HMBOX1: variants seen among roughly 807,000 people sequenced by gnomAD.
The protein encoded by HMBOX1 is homeobox-containing protein 1.
Under a neutral mutation model 54.5 loss-of-function variants are expected in HMBOX1, and 14 were observed. The ratio of observed to expected loss-of-function variants is 0.26; its 90% CI spans 0.17 to 0.40. HMBOX1 has a LOEUF of 0.40. Ranked by LOEUF, HMBOX1 falls within the 10% of genes least tolerant of loss-of-function variation. HMBOX1 has a pLI of 1.00. For synonymous variants in HMBOX1, 160 were observed against 181.0 expected (o/e 0.88, Z 0.93); for missense variants, 332 against 514.4 (o/e 0.65, Z 3.43).
chr8:28,892,920 T>C (rs986288625), intron 1 of HMBOX1, among the ~76,000 whole-genome samples: 2 of 152,090 alleles, frequency 1.3e-5, no homozygotes, highest in Non-Finnish European at 2.9e-5. Flanking sequence ...TAACGGAGTG[T>C]TTTGTTTTAT....
At chr8:28,973,764 A>T (rs899283231) in intron 3 of HMBOX1, among the ~76,000 whole-genome samples, 2 of 144,632 alleles carry the variant, frequency 1.4e-5, no homozygotes, top group Admixed American at 1.4e-4. Flanking sequence ...CGTTGACTTC[A>T]CGAACTTCAC....
At chr8:29,049,221 G>T in intron 9 of HMBOX1, 173 bp downstream of exon 9, 3 of 1,508,446 alleles carry the variant, frequency 2.0e-6, no homozygotes, top group Non-Finnish European at 2.7e-6. Context: ...AATGTGGTAA[G>T]ATTCAGTTGT....
intron 4 of HMBOX1, among the ~76,000 whole-genome samples, chr8:29,006,303 AT>A (rs1314745011): frequency 1.3e-5 from 2 of 151,938 alleles, no homozygotes; most frequent in Non-Finnish European, 2.9e-5. Context: ...GATGCATTCT[AT>A]TATTGATGGG....
rs1265971453 is a variant in HMBOX1, at chr8:28,982,458, G to T, written c.586+2302G>T. 2.0e-5 allele frequency among the ~76,000 whole-genome samples: 3 copies of T among 151,608 alleles called. No homozygotes were observed. In the East Asian group the frequency reaches 5.8e-4, roughly 29 times the overall value. On this transcript the variant is annotated intron_variant, in intron 4 of 9. Coordinates refer to ENST00000287701, the MANE Select transcript of HMBOX1 (RefSeq NM_001135726.3). ...TTTGTTTTTACTTTTTTGTTTGTTT[G>T]TTTGTTTGAGACAGTTTCTTGCTCT...
chr8:28,950,419 A>T (rs1016234186), intron 1 of HMBOX1, among the ~76,000 whole-genome samples: 1 of 152,282 alleles, frequency 6.6e-6, no homozygotes, highest in Non-Finnish European at 1.5e-5. Flanking sequence ...ACTGTAATTC[A>T]GTAAGAATGG....
At chr8:28,946,039 G>A (rs1436770904) in intron 1 of HMBOX1, among the ~76,000 whole-genome samples, 9 of 146,102 alleles carry the variant, frequency 6.2e-5, no homozygotes, top group African/African-American at 5.1e-5. Context: ...TGCAACCTCC[G>A]CCTCCCAGGT....
intron 1 of HMBOX1, among the ~76,000 whole-genome samples, chr8:28,962,749 C>T (rs1406427110): frequency 6.6e-6 from 1 of 152,174 alleles, no homozygotes; most frequent in Non-Finnish European, 1.5e-5. Context: ...TCCTAGTTCT[C>T]TCTAACCTGA....
chr8:28,957,028 G>A (rs1824579919), intron 1 of HMBOX1, among the ~76,000 whole-genome samples: 1 of 152,142 alleles, frequency 6.6e-6, no homozygotes, highest in South Asian at 2.1e-4. Context: ...AATTTGGAGA[G>A]TCCTCAAAGA....
At chr8:28,954,996 T>C (rs1315637076) in intron 1 of HMBOX1, among the ~76,000 whole-genome samples, 2 of 152,184 alleles carry the variant, frequency 1.3e-5, no homozygotes, top group African/African-American at 2.4e-5. Flanking sequence ...AGATTTTTCT[T>C]GATTATGTTT....
At chr8:28,962,761 T>C (rs1173177406) in intron 1 of HMBOX1, among the ~76,000 whole-genome samples, 3 of 152,216 alleles carry the variant, frequency 2.0e-5, no homozygotes, top group Non-Finnish European at 4.4e-5. Flanking sequence ...CTAACCTGAA[T>C]TAGTTTCTGG....
intron 1 of HMBOX1, among the ~76,000 whole-genome samples, chr8:28,921,175 A>T (rs949461881): frequency 6.6e-6 from 1 of 152,158 alleles, no homozygotes; most frequent in African/African-American, 2.4e-5. Context: ...TCTATACTAA[A>T]AATACAAAAA....
intron 1 of HMBOX1, among the ~76,000 whole-genome samples, chr8:28,921,268 A>G (rs1817510297): frequency 1.3e-5 from 2 of 152,234 alleles, no homozygotes; most frequent in African/African-American, 2.4e-5. Context: ...CCTGGGAGGC[A>G]GAGGTTGCGG....
intron 1 of HMBOX1, among the ~76,000 whole-genome samples, chr8:28,904,705 C>T (rs936613407): frequency 1.4e-5 from 2 of 146,320 alleles, no homozygotes; most frequent in African/African-American, 5.1e-5. Flanking sequence ...GAGATGGAGT[C>T]TCGCTCTGTC....
At chr8:29,023,723 T>C (rs1203116341) in intron 6 of HMBOX1, among the ~76,000 whole-genome samples, 1 of 152,150 alleles carries the variant, frequency 6.6e-6, no homozygotes, top group African/African-American at 2.4e-5. Context: ...ACCATAAGAT[T>C]GATCAGTGAA....
chr8:28,909,654 G>A (rs1815030147), intron 1 of HMBOX1, among the ~76,000 whole-genome samples: 1 of 152,046 alleles, frequency 6.6e-6, no homozygotes, highest in East Asian at 1.9e-4. Context: ...CAGGTGCCTC[G>A]CCTGCTAAAG....
chr8:28,960,679 G>GGTCTTTGT (rs1488084830), intron 1 of HMBOX1, among the ~76,000 whole-genome samples: 2 of 144,910 alleles, frequency 1.4e-5, no homozygotes, highest in Non-Finnish European at 3.0e-5. Context: ...CATGTTATTT[G>GGTCTTTGT]GTCTTTGTGT....
intron 1 of HMBOX1, among the ~76,000 whole-genome samples, chr8:28,903,275 G>A (rs756489989): frequency 6.6e-5 from 10 of 152,218 alleles, no homozygotes; most frequent in African/African-American, 1.7e-4. Context: ...ATCAGGGAGG[G>A]CAGTGATGAT....
chr8:29,013,730 T>TA (rs1015001464), intron 5 of HMBOX1, among the ~76,000 whole-genome samples: 3 of 152,182 alleles, frequency 2.0e-5, no homozygotes, highest in Admixed American at 6.5e-5. Flanking sequence ...ACCTATTTTT[T>TA]AAAAAAAAGT....
At chr8:28,960,175 A>AT (rs1252238170) in intron 1 of HMBOX1, among the ~76,000 whole-genome samples, 1 of 148,014 alleles carries the variant, frequency 6.8e-6, no homozygotes, top group Non-Finnish European at 1.5e-5. Context: ...ACAGTATTTT[A>AT]TTTTTCTATT....
Sources: allele counts gnomAD v4.1 joint callset (sites outside exome capture counted in the v4.1 genomes callset), GRCh38; gene constraint gnomAD v4.1.1; transcripts MANE v1.5; gene names NCBI Gene and HGNC (gene_info 2026-07-23, HGNC 2026-07-21).